DOCK2: variants seen among roughly 807,000 people sequenced by gnomAD.
The protein encoded by DOCK2 is dedicator of cytokinesis 2.
In DOCK2, 87 loss-of-function variants were observed where a neutral mutation model predicts 248.9. That is an observed-to-expected ratio of 0.35 (90% CI 0.29 to 0.42). The LOEUF is 0.42. Ranked by LOEUF, DOCK2 falls within the 10% of genes least tolerant of loss-of-function variation. The probability of loss-of-function intolerance (pLI) is 1.00; values close to 1 mark genes in which losing one functional copy is unlikely to be tolerated. For missense variants in DOCK2, 1,747 were observed against 2,300.2 expected (o/e 0.76, Z 4.92); for synonymous variants, 805 against 821.6 (o/e 0.98, Z 0.35).
At chr5:169,684,780 G>A (rs1264398175) in intron 8 of DOCK2, among the ~76,000 whole-genome samples, 1 of 152,184 alleles carries the variant, frequency 6.6e-6, no homozygotes, top group Non-Finnish European at 1.5e-5. Flanking sequence ...CTCCTGAGTA[G>A]CTGGGACTAT....
At chr5:170,069,323 C>A in intron 46 of DOCK2, 103 bp downstream of exon 46, 2 of 1,167,636 alleles carry the variant, frequency 1.7e-6, no homozygotes, top group Non-Finnish European at 2.5e-6. Flanking sequence ...CCTGAATTCA[C>A]ATGCCCTCCT....
At position 169,674,008 on chromosome 5, in the gene DOCK2, G is replaced by A. The variant is rs140400305; in HGVS notation, c.322-289G>A. Among the ~76,000 whole-genome samples, 428 of 152,336 alleles carry A rather than the reference G, an allele frequency of 2.8e-3. 5 individuals carry two copies. The highest frequency in any genetic ancestry group is 0.013 in the Admixed American group (200 of 15,304). ...ACCTCCATTAGGGCAGATGTTCGTA[G>A]CATTCCTGTTCAATAAATATCTTTT... On this transcript the variant is annotated intron_variant, in intron 5 of 51. Transcript: ENST00000520908.
chr5:169,652,896 T>C (rs190248365), intron 1 of DOCK2, among the ~76,000 whole-genome samples: 8 of 152,166 alleles, frequency 5.3e-5, no homozygotes, highest in Admixed American at 3.3e-4. Flanking sequence ...CAGAGCAGCA[T>C]TGGCTATTTA....
intron 41 of DOCK2, among the ~76,000 whole-genome samples, chr5:170,054,555 C>T (rs553251851): frequency 4.3e-4 from 65 of 152,364 alleles, no homozygotes; most frequent in African/African-American, 1.5e-3. Context: ...TGTCTGAACA[C>T]AGCTCCTTAC....
intron 6 of DOCK2, among the ~76,000 whole-genome samples, chr5:169,681,155 G>A (rs1459517131): frequency 8.5e-6 from 1 of 116,982 alleles, no homozygotes; most frequent in Non-Finnish European, 1.6e-5. Flanking sequence ...ATGGAGTCTC[G>A]CTCTGTCACC....
chr5:170,041,277 T>C (rs1412792061), intron 37 of DOCK2, 132 bp downstream of exon 37: 6 of 794,492 alleles, frequency 7.6e-6, no homozygotes, highest in Middle Eastern at 2.5e-4. Context: ...TCCAAACTCT[T>C]GAGCTGGCAG....
intron 8 of DOCK2, among the ~76,000 whole-genome samples, chr5:169,687,207 A>C (rs1273946235): frequency 6.6e-6 from 1 of 152,218 alleles, no homozygotes; most frequent in Non-Finnish European, 1.5e-5. Flanking sequence ...AGAAATTACC[A>C]ATGAGAAAGC....
At chr5:169,669,106 A>G (rs1758892591) in intron 2 of DOCK2, among the ~76,000 whole-genome samples, 182 bp from the exon 3 acceptor site, 1 of 152,112 alleles carries the variant, frequency 6.6e-6, no homozygotes. Context: ...TTATTTTGAG[A>G]TGTTGGCAAC....
chr5:169,807,833 C>CAA lies in DOCK2; in HGVS notation c.2703+4652_2703+4653dup, dbSNP rs61670398. ...TGGGAGACAGAGCAAGACTCTGTCT[C>CAA]AAAAAAAAAAAAAAAAAAAAAAAAA... On this transcript the variant is annotated intron_variant, in intron 26 of 51. Coordinates refer to ENST00000520908, the MANE Select transcript of DOCK2 (RefSeq NM_004946.3). Among the ~76,000 whole-genome samples the CAA allele has an allele frequency of 3.2e-3, 78 of 24,198 alleles. 8 individuals carry two copies. Among genetic ancestry groups the CAA allele is most frequent in the African/African-American group, 4.6e-3 (51 of 11,176 alleles). 15.9% of individuals were successfully genotyped at this position (24,198 alleles called of 152,430 possible). A position where few individuals can be genotyped will look rare whatever the true frequency, so the allele number is the denominator to read the frequency against.
At chr5:169,690,402 C>T (rs1760228041) in intron 9 of DOCK2, among the ~76,000 whole-genome samples, 1 of 152,158 alleles carries the variant, frequency 6.6e-6, no homozygotes, top group South Asian at 2.1e-4. Context: ...GATTAACCTA[C>T]CTTGCTCTAC....
chr5:169,787,542 G>A (rs1766060217), intron 25 of DOCK2, among the ~76,000 whole-genome samples: 1 of 152,092 alleles, frequency 6.6e-6, no homozygotes, highest in African/African-American at 2.4e-5. Flanking sequence ...CCACCTTTGG[G>A]CTCAGTCTTA....
intron 26 of DOCK2, among the ~76,000 whole-genome samples, chr5:169,821,832 TAA>T: frequency 6.6e-6 from 1 of 152,184 alleles, no homozygotes. Context: ...GCAAATTGGA[TAA>T]AGAGTCAAGA....
intron 26 of DOCK2, among the ~76,000 whole-genome samples, chr5:169,805,003 G>GT (rs1180836012): frequency 3.9e-5 from 6 of 152,000 alleles, no homozygotes; most frequent in Non-Finnish European, 8.8e-5. Flanking sequence ...TTTAAAAATT[G>GT]TTTTTTTAAA....
At chr5:169,668,071 G>T (rs1331084921) in intron 2 of DOCK2, among the ~76,000 whole-genome samples, 1 of 152,178 alleles carries the variant, frequency 6.6e-6, no homozygotes, top group African/African-American at 2.4e-5. Flanking sequence ...ACCTGACACT[G>T]CAACCTACTA....
In DOCK2 at chr5:169,722,033, T is replaced by C. The variant is rs73798761; in HGVS notation, c.2267+3242T>C. Among the ~76,000 whole-genome samples the C allele has an allele frequency of 9.4e-3, 1,438 of 152,262 alleles. 20 individuals are homozygous for C. The highest frequency in any genetic ancestry group is 0.033 in the African/African-American group (1,371 of 41,540). ...AGTCTTATGAGTAATTCCTAAATTA[T>C]AGGAAGTGTGTCTGAAAGATGCTGG... On this transcript the variant is annotated intron_variant, in intron 22 of 51. Transcript: ENST00000520908.
chr5:169,735,939 CA>C (rs1205199682), intron 22 of DOCK2, among the ~76,000 whole-genome samples: 4 of 144,466 alleles, frequency 2.8e-5, no homozygotes, highest in Non-Finnish European at 6.0e-5. Context: ...CATGGCAGAG[CA>C]GGGGGGAGAG....
At chr5:170,000,052 C>G (rs903590208) in intron 30 of DOCK2, 6 of 152,142 alleles carry the variant, frequency 3.9e-5, no homozygotes, top group African/African-American at 1.4e-4. Context: ...GATGCTGGTC[C>G]TTGGTGTCTG....
intron 27 of DOCK2, among the ~76,000 whole-genome samples, chr5:169,970,280 AT>A (rs1288811699): frequency 2.6e-5 from 4 of 152,246 alleles, no homozygotes; most frequent in Admixed American, 6.5e-5. Context: ...AGACAAAATA[AT>A]TGCTCAATGG....
intron 32 of DOCK2, among the ~76,000 whole-genome samples, chr5:170,009,124 G>C (rs10056571): frequency 1.3e-5 from 2 of 151,740 alleles, no homozygotes; most frequent in African/African-American, 4.8e-5. Flanking sequence ...TCCACAAAAC[G>C]TACTCCAACC....
Sources: gnomAD v4.1 joint callset for allele counts (sites outside exome capture counted in the v4.1 genomes callset) on GRCh38, gnomAD v4.1.1 for gene constraint, MANE v1.5 for transcripts, NCBI Gene and HGNC (gene_info 2026-07-23, HGNC 2026-07-21) for gene names.